Variants in ACTR3B observed in about 807,000 individuals in gnomAD.
ACTR3B encodes actin-related protein 3B.
In ACTR3B, 8 loss-of-function variants were observed where a neutral mutation model predicts 59.0. The ratio of observed to expected loss-of-function variants is 0.14; its 90% CI spans 0.08 to 0.24. The LOEUF is 0.24. Ranked by LOEUF, ACTR3B falls within the 10% of genes least tolerant of loss-of-function variation. The pLI is 1.00. For missense variants in ACTR3B, 245 were observed against 552.3 expected, an observed-to-expected ratio of 0.44 and a Z score of 5.58; for synonymous variants, 148 against 197.9, an observed-to-expected ratio of 0.75 and a Z score of 2.12.
At chr7:152,833,687 C>T (rs1380431142) in intron 9 of ACTR3B, among the ~76,000 whole-genome samples, 1 of 152,086 alleles carries the variant, frequency 6.6e-6, no homozygotes, top group African/African-American at 2.4e-5. Context: ...TAAGCACTTG[C>T]TGTTAATATA....
chr7:152,823,156 AGT>A (rs1320879197), intron 7 of ACTR3B, among the ~76,000 whole-genome samples, 184 bp from the exon 8 acceptor site: 1 of 152,214 alleles, frequency 6.6e-6, no homozygotes, highest in Non-Finnish European at 1.5e-5. Flanking sequence ...CCGAAGTCCA[AGT>A]GTAACCATGT....
intron 9 of ACTR3B, among the ~76,000 whole-genome samples, chr7:152,851,436 A>G (rs1798794824): frequency 6.6e-6 from 1 of 152,196 alleles, no homozygotes; most frequent in Non-Finnish European, 1.5e-5. Context: ...CCGTCAAACC[A>G]TGAGGATGTC....
rs569343719 is a variant in ACTR3B, at chr7:152,777,760, G to T, written c.45-5427G>T. Among the ~76,000 whole-genome samples, 407 of 152,244 alleles carry T rather than the reference G, an allele frequency of 2.7e-3. 1 individual carries two copies. The highest frequency in any genetic ancestry group is 4.7e-3 in the Admixed American group (72 of 15,280). On this transcript the variant is annotated intron_variant, in intron 1 of 11. Transcript: ENST00000256001. ...GAGGCCAGGAGTTTGAGACCAGCCT[G>T]GCCAACGTGGTGAAACCCCGTTTTT...
chr7:152,854,514 C>T lies in ACTR3B; in HGVS notation c.1218C>T (p.Ser406=), dbSNP rs1248149904. The T allele has an allele frequency of 6.2e-7, 1 of 1,614,146 alleles. No homozygotes were observed. The highest frequency in any genetic ancestry group is 2.2e-5 in the East Asian group (1 of 44,884). ...AGGACTATGAAGAGTACGGGCCCAG[C>T]ATCTGCCGCCACAACCCCGTCTTTG... ...TKKDYEEYGP[S]ICRHNPVFGV... is the part of the protein sequence containing the mutation. Residue 406 remains serine, a synonymous_variant, in exon 12 of 12, where the codon AGC becomes AGT. Transcript: ENST00000256001. This position sits in a 1 kb window ranked among gnomAD's most constrained non-coding sequence, Gnocchi z 4.9.
intron 1 of ACTR3B, among the ~76,000 whole-genome samples, chr7:152,780,067 A>G (rs2098146776): frequency 6.6e-6 from 1 of 152,180 alleles, no homozygotes; most frequent in African/African-American, 2.4e-5. Flanking sequence ...ACATAAGAAT[A>G]TTAGGGCCAG....
At chr7:152,826,533 G>A (rs530782543) in intron 9 of ACTR3B, among the ~76,000 whole-genome samples, 1 of 152,180 alleles carries the variant, frequency 6.6e-6, no homozygotes, top group African/African-American at 2.4e-5. Context: ...AAAGAAAGGG[G>A]AACTAGAAAG....
chr7:152,788,087 G>A (rs1055497079), intron 2 of ACTR3B, among the ~76,000 whole-genome samples: 24 of 113,166 alleles, frequency 2.1e-4, no homozygotes, highest in Non-Finnish European at 3.7e-4. Flanking sequence ...ACCACGTCCA[G>A]CTAATTTTTG....
At chr7:152,814,701 G>T (rs1795544696) in intron 5 of ACTR3B, 56 bp downstream of exon 5, 1 of 1,432,522 alleles carries the variant, frequency 7.0e-7, no homozygotes, top group Admixed American at 2.0e-5. Context: ...AGTAGCGGAA[G>T]AAATGGTATT....
intron 9 of ACTR3B, among the ~76,000 whole-genome samples, chr7:152,826,929 G>A (rs1160667511): frequency 6.6e-6 from 1 of 151,836 alleles, no homozygotes; most frequent in African/African-American, 2.4e-5. Context: ...TTTTAAGCCC[G>A]TTTCCCGCAT....
chr7:152,801,193 C>T (rs1361655127), intron 3 of ACTR3B, among the ~76,000 whole-genome samples: 2 of 152,380 alleles, frequency 1.3e-5, no homozygotes, highest in Admixed American at 1.3e-4. Context: ...AATCCTCTCA[C>T]CTCAACTTCC....
chr7:152,772,934 C>A (rs1384156277), intron 1 of ACTR3B, among the ~76,000 whole-genome samples: 6 of 150,658 alleles, frequency 4.0e-5, no homozygotes, highest in Non-Finnish European at 7.4e-5. Context: ...GTGGGAGATA[C>A]CACTGTGCTA....
chr7:152,833,131 G>A (rs1414777102), intron 9 of ACTR3B, among the ~76,000 whole-genome samples: 1 of 152,234 alleles, frequency 6.6e-6, no homozygotes, highest in Non-Finnish European at 1.5e-5. Context: ...GCAGCCTTGT[G>A]AGAGAAGCTG....
chr7:152,841,621 A>G (rs994170043), intron 9 of ACTR3B, among the ~76,000 whole-genome samples: 1 of 152,240 alleles, frequency 6.6e-6, no homozygotes, highest in Non-Finnish European at 1.5e-5. Flanking sequence ...CCTGTTGTCC[A>G]TAGCAACTAT....
chr7:152,773,845 C>T (rs752546307), intron 1 of ACTR3B, among the ~76,000 whole-genome samples: 7 of 152,134 alleles, frequency 4.6e-5, no homozygotes, highest in Non-Finnish European at 8.8e-5. Context: ...AGCAAGTGCC[C>T]AGCAGTGTGG....
At chr7:152,803,418 A>T (rs1444925373) in intron 4 of ACTR3B, among the ~76,000 whole-genome samples, 1 of 152,134 alleles carries the variant, frequency 6.6e-6, no homozygotes, top group Non-Finnish European at 1.5e-5. Flanking sequence ...CTTTACAGCC[A>T]AAACAAATCA....
chr7:152,807,749 T>C (rs2098256758), intron 4 of ACTR3B, among the ~76,000 whole-genome samples: 1 of 152,252 alleles, frequency 6.6e-6, no homozygotes, highest in Admixed American at 6.5e-5. Context: ...TTTTCCACAT[T>C]AGTTAGTTGT....
chr7:152,815,594 G>A (rs563624107), intron 5 of ACTR3B, among the ~76,000 whole-genome samples: 4 of 152,318 alleles, frequency 2.6e-5, no homozygotes, highest in East Asian at 3.9e-4. Flanking sequence ...TGTGGGCGCC[G>A]CCGTGTGCAT....
At chr7:152,834,589 C>T (rs1429291299) in intron 9 of ACTR3B, among the ~76,000 whole-genome samples, 1 of 152,142 alleles carries the variant, frequency 6.6e-6, no homozygotes, top group Non-Finnish European at 1.5e-5. Flanking sequence ...CTTTCTTAAG[C>T]GATTGAAATT....
intron 9 of ACTR3B, among the ~76,000 whole-genome samples, chr7:152,827,541 A>G (rs1238526404): frequency 6.6e-6 from 1 of 151,202 alleles, no homozygotes; most frequent in African/African-American, 2.5e-5. Flanking sequence ...TTCAGCAGCA[A>G]AGGTTTATTT....
Sources: gnomAD v4.1 joint callset for allele counts (sites outside exome capture counted in the v4.1 genomes callset) on GRCh38, gnomAD v4.1.1 for gene constraint, Gnocchi (gnomAD v3.1) non-coding constraint, MANE v1.5 for transcripts, NCBI Gene and HGNC (gene_info 2026-07-23, HGNC 2026-07-21) for gene names.